Variants in TLE2 observed in about 807,000 individuals in gnomAD.
The protein encoded by TLE2 is transducin-like enhancer protein 2.
In TLE2, 74 loss-of-function variants were observed where a neutral mutation model predicts 97.2. That is an observed-to-expected ratio of 0.76 (90% CI 0.63 to 0.92). The LOEUF (loss-of-function observed/expected upper bound fraction) is 0.92, where lower values mean the gene tolerates loss of function less well. Ranked by LOEUF, TLE2 falls within the 40% of genes least tolerant of loss-of-function variation. The pLI is 0.00. For missense variants in TLE2, 1,038 were observed against 1,008.7 expected, an observed-to-expected ratio of 1.03 and a Z score of -0.39; for synonymous variants, 499 against 432.1, an observed-to-expected ratio of 1.15 and a Z score of -1.92.
chr19:3,009,077 C>T, intron 13 of TLE2, 132 bp from the exon 14 acceptor site: 1 of 629,014 alleles, frequency 1.6e-6, no homozygotes, highest in Non-Finnish European at 2.6e-6. Flanking sequence ...CTTCTCTCTG[C>T]CTGTCACACT....
chr19:2,998,729 A>G (rs1599186370), intron 19 of TLE2, among the ~76,000 whole-genome samples: 1 of 152,132 alleles, frequency 6.6e-6, no homozygotes, highest in East Asian at 1.9e-4. Context: ...CTTGTTTTCT[A>G]CAGACAGGTG....
intron 1 of TLE2, among the ~76,000 whole-genome samples, chr19:3,038,112 ACT>A (rs1815738789): frequency 6.6e-6 from 1 of 151,996 alleles, no homozygotes; most frequent in South Asian, 2.1e-4. Context: ...ACAGAGCGAG[ACT>A]CTGTCTCAAA....
chr19:3,011,184 A>G, intron 11 of TLE2, 24 bp from the exon 12 acceptor site: 2 of 1,548,672 alleles, frequency 1.3e-6, no homozygotes, highest in South Asian at 1.2e-5. Context: ...GCAGGACTGA[A>G]GGCCACCAGG....
chr19:3,014,755 T>C (rs1417567591), intron 9 of TLE2, 141 bp from the exon 10 acceptor site: 1 of 794,104 alleles, frequency 1.3e-6, no homozygotes, highest in Non-Finnish European at 1.8e-6. Flanking sequence ...ACCCGTTTGC[T>C]CATAGCAGAA....
intron 19 of TLE2, 93 bp downstream of exon 19, chr19:3,000,554 T>A: frequency 8.4e-7 from 1 of 1,185,874 alleles, no homozygotes; most frequent in Non-Finnish European, 1.2e-6. Context: ...CGGGGGGACC[T>A]GGGGGACAGG....
intron 1 of TLE2, among the ~76,000 whole-genome samples, chr19:3,045,311 G>C (rs2090133725): frequency 6.6e-6 from 1 of 152,162 alleles, no homozygotes; most frequent in African/African-American, 2.4e-5. Flanking sequence ...GCCCTACCTG[G>C]GACCATGCGT....
chr19:3,028,336 G>A lies in TLE2; in HGVS notation c.169C>T (p.Gln57Ter). 6.2e-7 allele frequency: 1 copy of A among 1,609,596 alleles called. No individual in the cohort carries two copies. Among genetic ancestry groups the A allele is most frequent in the East Asian group, 2.2e-5 (1 of 44,816 alleles). The part of the protein sequence containing the change: ...EKLASEKTEM[Q>*]RHYVMYYEMS... ...GCCCTCACCATGACATAATGTCGCT[G>A]CATTTCCGTCTTCTCGCTGGCCAGC... The change falls in exon 3 of 20, where the codon CAG (glutamine) becomes TAG (stop). Residue 57 changes from glutamine (Q) to a stop codon, truncating the protein, a stop_gained. Transcript: ENST00000262953. LOFTEE classifies it high-confidence loss of function.
At position 3,043,686 on chromosome 19, in the gene TLE2, T is replaced by C. The variant is rs180918788; in HGVS notation, c.63+2040A>G. ...TTAGCCAGGCATGGTGGCGGGCGCC[T>C]GTAGTCCCAGCTACTGGGGAGGCTG... On this transcript the variant is annotated intron_variant, in intron 1 of 18. Coordinates refer to the TLE2 transcript ENST00000426948. Among the ~76,000 whole-genome samples, 30 of 150,842 alleles carry C rather than the reference T, an allele frequency of 2.0e-4. No individual in the cohort carries two copies. In the East Asian group the frequency reaches 5.2e-3, roughly 26 times the overall value.
chr19:3,001,700 C>T (rs1599192917), intron 18 of TLE2, among the ~76,000 whole-genome samples: 1 of 151,916 alleles, frequency 6.6e-6, no homozygotes, highest in Non-Finnish European at 1.5e-5. Flanking sequence ...GTCTTGAACT[C>T]CTGGTCTTGG....
intron 1 of TLE2, among the ~76,000 whole-genome samples, chr19:3,041,359 G>T (rs996301052): frequency 1.3e-5 from 2 of 152,196 alleles, no homozygotes; most frequent in East Asian, 3.9e-4. Context: ...CTACCTGGTT[G>T]ATATACACAC....
chr19:3,035,535 A>G (rs915013196), intron 1 of TLE2, among the ~76,000 whole-genome samples: 7 of 139,780 alleles, frequency 5.0e-5, no homozygotes, highest in African/African-American at 8.2e-5. Flanking sequence ...GGGTTTACGG[A>G]AAAAAAAAAA....
At chr19:3,009,011 GCC>G (rs1442057576) in intron 13 of TLE2, 66 bp from the exon 14 acceptor site, 1 of 1,295,224 alleles carries the variant, frequency 7.7e-7, no homozygotes, top group African/African-American at 1.5e-5. Flanking sequence ...GCCACCCCAC[GCC>G]CACCTGCCAT....
chr19:3,015,390 A>G (rs747944105), intron 9 of TLE2, among the ~76,000 whole-genome samples: 3 of 152,222 alleles, frequency 2.0e-5, no homozygotes, highest in African/African-American at 7.2e-5. Context: ...TGTGTGTTCT[A>G]GGGAAAGAAA....
At chr19:3,009,315 A>C (rs1030608722) in intron 13 of TLE2, among the ~76,000 whole-genome samples, 3 of 152,178 alleles carry the variant, frequency 2.0e-5, no homozygotes. Flanking sequence ...GCTCCTCTTC[A>C]TGCAGCTTAA....
chr19:3,022,927 C>A (rs1200661852), intron 5 of TLE2, among the ~76,000 whole-genome samples: 2 of 152,140 alleles, frequency 1.3e-5, no homozygotes, highest in Non-Finnish European at 2.9e-5. Flanking sequence ...CATGAGTGGG[C>A]GTGGCTATGT....
chr19:3,007,595 GGACA>G (rs1297347203), intron 14 of TLE2, among the ~76,000 whole-genome samples: 1 of 152,092 alleles, frequency 6.6e-6, no homozygotes, highest in African/African-American at 2.4e-5. Context: ...AGGTGATATG[GGACA>G]GTCAGTGGGT....
In TLE2 at chr19:3,019,726, G is replaced by A. The variant is rs569819138; in HGVS notation, c.342C>T (p.Thr114=). 4.6e-5 allele frequency: 74 copies of A among 1,612,660 alleles called. No homozygotes were observed. In the East Asian group the frequency reaches 8.7e-4, roughly 19 times the overall value. The change falls in exon 6 of 20, where the codon ACC becomes ACT. Residue 114 remains threonine, a synonymous_variant. Transcript: ENST00000262953. The surrounding 1 kb of genome is among the most constrained non-coding windows in gnomAD (Gnocchi z 5.1). Reference sequence around the variant, plus strand: ...CGATGAGGCTGTTCAGCTCCCCCACGGTGACCTGCTTGGCGCGTTCTACGG... The same window carrying A: ...CGATGAGGCTGTTCAGCTCCCCCACAGTGACCTGCTTGGCGCGTTCTACGG... ...LQAVERAKQV[T]VGELNSLIGQ... is the part of the protein sequence containing the mutation.
chr19:3,005,437 C>G lies in TLE2; in HGVS notation c.1896G>C (p.Gln632His). 1 of 1,613,740 alleles carries G rather than the reference C, an allele frequency of 6.2e-7. No individual in the cohort carries two copies. The highest frequency in any genetic ancestry group is 1.7e-4 in the Middle Eastern group (1 of 6,060). Residue 632 changes from glutamine (Q) to histidine (H), a missense_variant and splice_region_variant, in exon 17 of 20, where the codon CAG (glutamine) becomes CAC (histidine). Coordinates refer to ENST00000262953, the MANE Select transcript of TLE2 (RefSeq NM_003260.5). ...RQLQQHDFSS[Q>H]IFSLGHCPNQ... ...CCCTCCTGCCAGAACCGAACAGCACCTGGGAGCTGAAGTCATGCTGCTGCA... is the reference window on the plus strand; with the variant it reads ...CCCTCCTGCCAGAACCGAACAGCACGTGGGAGCTGAAGTCATGCTGCTGCA...
At chr19:3,046,930 CTGCCT>C (rs2090146232), upstream of TLE2, among the ~76,000 whole-genome samples, 1 of 109,010 alleles carries the variant, frequency 9.2e-6, no homozygotes, top group African/African-American at 3.4e-5. Flanking sequence ...TCCCCCTCCT[CTGCCT>C]CCCCCTCCTC....
Sources: gnomAD v4.1 joint callset for allele counts (sites outside exome capture counted in the v4.1 genomes callset) on GRCh38, gnomAD v4.1.1 for gene constraint, Gnocchi (gnomAD v3.1) non-coding constraint, MANE v1.5 for transcripts, NCBI Gene and HGNC (gene_info 2026-07-23, HGNC 2026-07-21) for gene names.